FRMD4A: variants seen among roughly 807,000 people sequenced by gnomAD.
FRMD4A encodes the protein FERM domain-containing protein 4A.
FRMD4A carries 29 observed loss-of-function variants against 129.1 expected under a neutral mutation model. The ratio of observed to expected loss-of-function variants is 0.22; its 90% CI spans 0.17 to 0.31. The LOEUF (loss-of-function observed/expected upper bound fraction) is 0.31, where lower values mean the gene tolerates loss of function less well. FRMD4A is among the 10% of genes least tolerant of loss of function. The pLI is 1.00. For synonymous variants in FRMD4A, 634 were observed against 571.6 expected (o/e 1.11, Z -1.56); for missense variants, 1,272 against 1,375.8 (o/e 0.92, Z 1.19).
chr10:13,707,679 G>A, intron 12 of FRMD4A: 1 of 985,728 alleles, frequency 1.0e-6, no homozygotes, highest in Non-Finnish European at 1.2e-6. Context: ...GGGCGGAGGA[G>A]GCTGGGACCT....
intron 12 of FRMD4A, among the ~76,000 whole-genome samples, chr10:13,734,995 T>G (rs2090552709): frequency 6.6e-6 from 1 of 152,162 alleles, no homozygotes; most frequent in Non-Finnish European, 1.5e-5. Flanking sequence ...TGCCTCAGCT[T>G]CCCCAGTAGC....
chr10:13,922,342 C>G (rs1450123782), intron 2 of FRMD4A, among the ~76,000 whole-genome samples: 2 of 151,460 alleles, frequency 1.3e-5, no homozygotes, highest in Non-Finnish European at 2.9e-5. Flanking sequence ...TAAAGACAGG[C>G]AATGGTCTTT....
intron 2 of FRMD4A, among the ~76,000 whole-genome samples, chr10:14,214,095 T>C (rs1417750680): frequency 6.6e-6 from 1 of 152,248 alleles, no homozygotes; most frequent in Non-Finnish European, 1.5e-5. Flanking sequence ...CTGCCATGAC[T>C]GTGAGGCCTC....
intron 2 of FRMD4A, chr10:14,074,957 T>C (rs887234060): frequency 6.6e-6 from 1 of 152,086 alleles, no homozygotes; most frequent in Non-Finnish European, 1.5e-5. Context: ...ATCCTGCAGG[T>C]AGGGAGAAGA....
intron 3 of FRMD4A, among the ~76,000 whole-genome samples, chr10:13,858,262 C>T (rs758945376): frequency 2.6e-5 from 4 of 152,090 alleles, no homozygotes; most frequent in Non-Finnish European, 4.4e-5. Flanking sequence ...GGAGAAACCC[C>T]GTCTCAACTA....
chr10:13,855,656 C>T (rs2131027120), intron 3 of FRMD4A, among the ~76,000 whole-genome samples: 1 of 152,282 alleles, frequency 6.6e-6, no homozygotes, highest in Middle Eastern at 3.4e-3. Context: ...ATATCAGTCT[C>T]AGTGTTTAAT....
At chr10:14,184,138 T>C (rs1439599151) in intron 2 of FRMD4A, among the ~76,000 whole-genome samples, 4 of 138,344 alleles carry the variant, frequency 2.9e-5, no homozygotes, top group African/African-American at 5.4e-5. Flanking sequence ...TTTTTTTTTT[T>C]TTTTTTTTTT....
At chr10:13,685,453 TAC>T (rs1238159010) in intron 15 of FRMD4A, 75 of 984,640 alleles carry the variant, frequency 7.6e-5, no homozygotes, top group Non-Finnish European at 8.9e-5. Flanking sequence ...TTGTAAATCC[TAC>T]AGTTTCCATT....
chr10:14,101,796 A>G (rs1363028525), intron 2 of FRMD4A, among the ~76,000 whole-genome samples: 2 of 151,408 alleles, frequency 1.3e-5, no homozygotes, highest in East Asian at 1.9e-4. Flanking sequence ...CTCCTTCTGA[A>G]TAATGCCCAT....
At chr10:13,825,962 G>A (rs2093694685) in intron 3 of FRMD4A, among the ~76,000 whole-genome samples, 1 of 152,222 alleles carries the variant, frequency 6.6e-6, no homozygotes, top group African/African-American at 2.4e-5. Flanking sequence ...CCTAAAACGT[G>A]TCTGTTTCAT....
chr10:13,865,086 T>C (rs1336224559), intron 2 of FRMD4A, among the ~76,000 whole-genome samples: 4 of 151,994 alleles, frequency 2.6e-5, no homozygotes, highest in Admixed American at 1.3e-4. Flanking sequence ...TTGATCCTCC[T>C]GCCTTGGCCT....
intron 2 of FRMD4A, among the ~76,000 whole-genome samples, chr10:14,192,209 A>T (rs566549859): frequency 6.6e-5 from 10 of 152,306 alleles, no homozygotes; most frequent in Non-Finnish European, 1.2e-4. Flanking sequence ...GGAGAATAAC[A>T]TATCTAATTC....
intron 2 of FRMD4A, among the ~76,000 whole-genome samples, chr10:14,029,560 C>T (rs1833138970): frequency 6.6e-6 from 1 of 152,108 alleles, no homozygotes; most frequent in South Asian, 2.1e-4. Context: ...CCTGTCTAAC[C>T]TAGAGCAGTG....
chr10:13,981,073 TA>T, intron 2 of FRMD4A, among the ~76,000 whole-genome samples: 1 of 152,334 alleles, frequency 6.6e-6, no homozygotes, highest in Middle Eastern at 3.4e-3. Flanking sequence ...CTCTTGTAGA[TA>T]AAAATATATG....
intron 2 of FRMD4A, among the ~76,000 whole-genome samples, chr10:13,876,746 C>T (rs1003666418): frequency 3.3e-5 from 5 of 151,592 alleles, no homozygotes; most frequent in South Asian, 2.1e-4. Context: ...AACAATAATA[C>T]GTGTGATTAA....
chr10:13,729,681 G>A (rs1045863963), intron 12 of FRMD4A, among the ~76,000 whole-genome samples: 2 of 152,172 alleles, frequency 1.3e-5, no homozygotes, highest in African/African-American at 4.8e-5. Flanking sequence ...CAGGGGGGCA[G>A]GCCGTTTACT....
chr10:14,256,354 T>C (rs1387741981), intron 2 of FRMD4A, among the ~76,000 whole-genome samples: 2 of 152,168 alleles, frequency 1.3e-5, no homozygotes, highest in African/African-American at 4.8e-5. Flanking sequence ...GTGACAGTTC[T>C]CCCCCAAATC....
chr10:14,095,814 C>G (rs1159427624), intron 2 of FRMD4A, among the ~76,000 whole-genome samples: 1 of 152,224 alleles, frequency 6.6e-6, no homozygotes, highest in African/African-American at 2.4e-5. Context: ...CATGCTGAGG[C>G]CTCTTCCAGA....
Position 13,657,149 on chromosome 10 carries a change from C to CG in FRMD4A, c.2439_2440insC (p.Gly814ArgfsTer186). The CG allele has an allele frequency of 6.8e-7, 1 of 1,481,170 alleles. No homozygotes were observed. Among genetic ancestry groups the CG allele is most frequent in the Non-Finnish European group, 8.9e-7 (1 of 1,118,958 alleles). The allele number at this position is 1,481,170 out of a possible 1,614,324, so 91.8% of individuals were successfully genotyped here. A position where few individuals can be genotyped will look rare whatever the true frequency, so the allele number is the denominator to read the frequency against. On this transcript the variant is annotated frameshift_variant, in exon 22 of 25. Coordinates refer to ENST00000357447, the MANE Select transcript of FRMD4A (RefSeq NM_018027.5). LOFTEE classifies it high-confidence loss of function. ...AGGTACACACCGCCCCCCGCGCCCCCCGCGCCCCCCGCACCCCCGCGCGCC... is the reference window on the plus strand; with the variant it reads ...AGGTACACACCGCCCCCCGCGCCCCCGCGCGCCCCCCGCACCCCCGCGCGCC...
Sources: allele counts gnomAD v4.1 joint callset (sites outside exome capture counted in the v4.1 genomes callset), GRCh38; gene constraint gnomAD v4.1.1; transcripts MANE v1.5; gene names NCBI Gene and HGNC (gene_info 2026-07-23, HGNC 2026-07-21).